The following PPM1H variants were observed in gnomAD, a reference collection of about 807,000 sequenced individuals.
PPM1H encodes protein phosphatase 1H.
A neutral mutation model predicts 54.9 loss-of-function variants in PPM1H; 27 were observed. That is an observed-to-expected ratio of 0.49 (90% CI 0.36 to 0.68). PPM1H has a LOEUF of 0.68. PPM1H is among the 30% of genes least tolerant of loss of function. PPM1H has a pLI of 0.00. For missense variants in PPM1H, 596 were observed against 667.8 expected (o/e 0.89, Z 1.19); for synonymous variants, 305 against 270.8 (o/e 1.13, Z -1.24).
At chr12:62,855,533 G>A (rs1223531033) in intron 1 of PPM1H, among the ~76,000 whole-genome samples, 1 of 152,204 alleles carries the variant, frequency 6.6e-6, no homozygotes, top group East Asian at 1.9e-4. Flanking sequence ...TTAGCAGCGA[G>A]AAAAGATGAC....
chr12:62,819,410 A>C (rs774914295), intron 2 of PPM1H, among the ~76,000 whole-genome samples: 1 of 152,200 alleles, frequency 6.6e-6, no homozygotes, highest in Non-Finnish European at 1.5e-5. Context: ...TACAGGCGTG[A>C]GCCACCGTAC....
At position 62,916,927 on chromosome 12, in the gene PPM1H, T is replaced by TTA. The variant is rs1555205729; in HGVS notation, c.245+17564_245+17565insTA. ...AACAGACCACTAGTTACCCTCTACTTAAAAAAAAAAAAAAAAGGTAGCATG... is the reference window on the plus strand; with the variant it reads ...AACAGACCACTAGTTACCCTCTACTTTAAAAAAAAAAAAAAAAAGGTAGCATG... On this transcript the variant is annotated intron_variant, in intron 1 of 9. Coordinates refer to ENST00000228705, the MANE Select transcript of PPM1H (RefSeq NM_020700.2). Among the ~76,000 whole-genome samples the TTA allele has an allele frequency of 4.9e-3, 652 of 132,042 alleles. 5 individuals are homozygous for TTA. Among genetic ancestry groups the TTA allele is most frequent in the East Asian group, 9.9e-3 (46 of 4,626 alleles). The allele number at this position is 132,042 out of a possible 152,430, so 86.6% of individuals were successfully genotyped here.
In PPM1H at chr12:62,697,276, G is replaced by T. The variant is rs574653165; in HGVS notation, c.1074-3277C>A. On this transcript the variant is annotated intron_variant, in intron 6 of 9. Coordinates refer to ENST00000228705, the MANE Select transcript of PPM1H (RefSeq NM_020700.2). ...CAAGTAGCTGGGATTACAGGTGAGT[G>T]CCACCGTGCCCAGCTAATTTTTGTA... Among the ~76,000 whole-genome samples the T allele has an allele frequency of 2.6e-5, 4 of 152,204 alleles. No individual in the cohort carries two copies. In the East Asian group the frequency reaches 7.8e-4, roughly 29 times the overall value.
chr12:62,732,916 C>T (rs1021348596), intron 5 of PPM1H, among the ~76,000 whole-genome samples: 11 of 152,070 alleles, frequency 7.2e-5, no homozygotes, highest in African/African-American at 2.7e-4. Context: ...GATGAGGCCA[C>T]GTTAAGGAAG....
In PPM1H at chr12:62,670,464, T is replaced by A. The variant is rs558361082; in HGVS notation, c.1246-3135A>T. ...AAAAGAGAGGGTTCAGGTCTGCAGA[T>A]AACATCCATTTAATTTCAGAGTCTG... On this transcript the variant is annotated intron_variant, in intron 8 of 9. Coordinates refer to ENST00000228705, the MANE Select transcript of PPM1H (RefSeq NM_020700.2). 4.6e-5 allele frequency among the ~76,000 whole-genome samples: 7 copies of A among 152,322 alleles called. No homozygotes were observed. In the South Asian group the frequency reaches 1.4e-3, roughly 32 times the overall value.
In PPM1H at chr12:62,683,033, T is replaced by A. The variant is rs561552314; in HGVS notation, c.1245+6666A>T. Among the ~76,000 whole-genome samples the A allele has an allele frequency of 1.4e-4, 19 of 133,666 alleles. 1 individual carries two copies. In the South Asian group the frequency reaches 3.1e-3, roughly 22 times the overall value. The allele number at this position is 133,666 out of a possible 152,430, so 87.7% of individuals were successfully genotyped here. The stretch of plus-strand genomic sequence containing the variant: ...ATACTACATTTGGGAGAGTTTATTA[T>A]TTATTATTATTATTATTATTATTAT... On this transcript the variant is annotated intron_variant, in intron 8 of 9. Coordinates refer to ENST00000228705, the MANE Select transcript of PPM1H (RefSeq NM_020700.2).
intron 1 of PPM1H, among the ~76,000 whole-genome samples, chr12:62,918,938 T>A (rs1025799288): frequency 2.0e-5 from 3 of 152,224 alleles, no homozygotes; most frequent in African/African-American, 7.2e-5. Flanking sequence ...TAGTTTATGT[T>A]CTAAGTTCCT....
chr12:62,820,817 C>T (rs2076898695), intron 2 of PPM1H, among the ~76,000 whole-genome samples: 1 of 152,120 alleles, frequency 6.6e-6, no homozygotes, highest in Non-Finnish European at 1.5e-5. Context: ...TGGGGAGGAA[C>T]CAGAGCAGAA....
intron 5 of PPM1H, among the ~76,000 whole-genome samples, chr12:62,727,637 ATAT>A (rs146320023): frequency 0.12 from 16,366 of 139,716 alleles, 1,021 homozygotes; most frequent in Admixed American, 0.17. Context: ...TAAAATGCAA[ATAT>A]TATTATTATT....
intron 4 of PPM1H, among the ~76,000 whole-genome samples, chr12:62,739,159 T>C (rs1243649449): frequency 6.6e-6 from 1 of 152,096 alleles, no homozygotes; most frequent in Non-Finnish European, 1.5e-5. Flanking sequence ...CCTCTTATAA[T>C]ACTCCTTATC....
intron 2 of PPM1H, among the ~76,000 whole-genome samples, chr12:62,808,126 C>T (rs566138753): frequency 1.3e-5 from 2 of 152,342 alleles, no homozygotes; most frequent in African/African-American, 4.8e-5. Flanking sequence ...GCCACCGTGT[C>T]TGGCCACCCA....
At chr12:62,909,838 T>G (rs1252644685) in intron 1 of PPM1H, among the ~76,000 whole-genome samples, 3 of 152,232 alleles carry the variant, frequency 2.0e-5, no homozygotes, top group Non-Finnish European at 4.4e-5. Flanking sequence ...CACGTGGCAG[T>G]GAACAAAAGA....
intron 4 of PPM1H, among the ~76,000 whole-genome samples, chr12:62,780,986 T>C (rs969314342): frequency 1.3e-5 from 2 of 152,232 alleles, no homozygotes; most frequent in Non-Finnish European, 2.9e-5. Flanking sequence ...GCTTAGCCTT[T>C]CAGTGTGTAA....
At chr12:62,876,777 C>T (rs1592649200) in intron 1 of PPM1H, among the ~76,000 whole-genome samples, 1 of 152,178 alleles carries the variant, frequency 6.6e-6, no homozygotes, top group East Asian at 1.9e-4. Flanking sequence ...AAAAGACTGG[C>T]TGAATTTAGC....
At chr12:62,792,542 G>GCA (rs957984992) in intron 3 of PPM1H, among the ~76,000 whole-genome samples, 22 of 152,206 alleles carry the variant, frequency 1.4e-4, no homozygotes, top group African/African-American at 5.1e-4. Context: ...ATGCACATGT[G>GCA]CACACACACA....
intron 4 of PPM1H, among the ~76,000 whole-genome samples, chr12:62,783,738 A>G (rs1286202047): frequency 2.6e-5 from 4 of 152,248 alleles, no homozygotes; most frequent in Non-Finnish European, 4.4e-5. Context: ...CGCTATTACT[A>G]TAAGTCTGGC....
chr12:62,646,152 G>GAAAAC lies in PPM1H; in HGVS notation c.*2332_*2336dup, dbSNP rs2075783731. ...GATCTTTCCACTCAAGGGGGCGTAGGAAAACAATTCCTGGATGCCTTTCTA... is the reference window on the plus strand; with the variant it reads ...GATCTTTCCACTCAAGGGGGCGTAGGAAAACAAAACAATTCCTGGATGCCTTTCTA... On this transcript the variant is annotated 3_prime_UTR_variant, in exon 10 of 10. Transcript: ENST00000228705. 1 of 152,148 alleles carries GAAAAC rather than the reference G, an allele frequency of 6.6e-6. No homozygotes were observed. Among genetic ancestry groups the GAAAAC allele is most frequent in the African/African-American group, 2.4e-5 (1 of 41,424 alleles). 9.4% of individuals were successfully genotyped at this position (152,148 alleles called of 1,614,324 possible).
intron 5 of PPM1H, among the ~76,000 whole-genome samples, chr12:62,730,565 ATACAT>A (rs1443906632): frequency 6.6e-6 from 1 of 152,234 alleles, no homozygotes; most frequent in Non-Finnish European, 1.5e-5. Flanking sequence ...CCTAAAACTT[ATACAT>A]TAATTAATTT....
chr12:62,654,573 CCGCTTGGT>C (rs995504319), intron 9 of PPM1H, among the ~76,000 whole-genome samples: 1 of 152,204 alleles, frequency 6.6e-6, no homozygotes, highest in Non-Finnish European at 1.5e-5. Context: ...GGCCGCTTGG[CCGCTTGGT>C]CCTCTTCCAA....
Sources: allele counts gnomAD v4.1 joint callset (sites outside exome capture counted in the v4.1 genomes callset), GRCh38; gene constraint gnomAD v4.1.1; transcripts MANE v1.5; gene names NCBI Gene and HGNC (gene_info 2026-07-23, HGNC 2026-07-21).